The following CDK19 variants were observed in gnomAD, a reference collection of about 807,000 sequenced individuals.
CDK19 encodes cyclin dependent kinase 19, also known as cyclin-dependent kinase 19.
Under a neutral mutation model 68.3 loss-of-function variants are expected in CDK19, and 20 were observed. The ratio of observed to expected loss-of-function variants is 0.29; its 90% CI spans 0.21 to 0.43. The LOEUF is 0.43. Ranked by LOEUF, CDK19 falls within the 20% of genes least tolerant of loss-of-function variation. The pLI, the probability that CDK19 is intolerant of heterozygous loss-of-function variation, is 1.00. For missense variants in CDK19, 339 were observed against 623.5 expected, an observed-to-expected ratio of 0.54 and a Z score of 4.86; for synonymous variants, 221 against 222.8, an observed-to-expected ratio of 0.99 and a Z score of 0.07.
intron 1 of CDK19, among the ~76,000 whole-genome samples, chr6:110,759,440 T>A (rs1268938273): frequency 3.9e-5 from 5 of 128,470 alleles, no homozygotes; most frequent in African/African-American, 1.2e-4. Context: ...TATATATATA[T>A]ATATATATAT....
intron 2 of CDK19, among the ~76,000 whole-genome samples, chr6:110,692,489 T>C (rs1458742139): frequency 2.0e-5 from 3 of 151,602 alleles, no homozygotes; most frequent in South Asian, 2.1e-4. Flanking sequence ...TATGAGATTA[T>C]GTAAAATAGG....
At chr6:110,805,925 C>G (rs1359697995) in intron 1 of CDK19, among the ~76,000 whole-genome samples, 1 of 146,526 alleles carries the variant, frequency 6.8e-6, no homozygotes, top group Non-Finnish European at 1.5e-5. Context: ...GGCAGAGGTA[C>G]AGTGAGCCAA....
intron 2 of CDK19, among the ~76,000 whole-genome samples, chr6:110,734,526 T>TCC (rs1345738637): frequency 2.2e-5 from 3 of 138,868 alleles, no homozygotes; most frequent in Non-Finnish European, 3.1e-5. Flanking sequence ...CACTGCTCTC[T>TCC]CTCTCTCTCT....
chr6:110,762,373 C>T (rs1779288066), intron 1 of CDK19, among the ~76,000 whole-genome samples: 1 of 152,150 alleles, frequency 6.6e-6, no homozygotes, highest in African/African-American at 2.4e-5. Flanking sequence ...TCAAAGCTCT[C>T]TTCTCTGCAT....
At chr6:110,657,437 A>G (rs561493119) in intron 4 of CDK19, among the ~76,000 whole-genome samples, 31 of 152,310 alleles carry the variant, frequency 2.0e-4, no homozygotes, top group Middle Eastern at 3.4e-3. Flanking sequence ...CTAATAGAAT[A>G]CCTGTGGTGT....
chr6:110,813,457 G>A (rs1783276427), intron 1 of CDK19: 1 of 152,242 alleles, frequency 6.6e-6, no homozygotes, highest in African/African-American at 2.4e-5. Flanking sequence ...AAATATAACT[G>A]ATAAAATTCC....
chr6:110,804,177 A>C (rs764571416), intron 1 of CDK19, among the ~76,000 whole-genome samples: 2 of 152,136 alleles, frequency 1.3e-5, no homozygotes, highest in Non-Finnish European at 2.9e-5. Context: ...TTGGTAAATA[A>C]ATCCATTCCC....
intron 2 of CDK19, among the ~76,000 whole-genome samples, chr6:110,694,304 T>C (rs912891598): frequency 2.8e-5 from 4 of 143,726 alleles, no homozygotes; most frequent in African/African-American, 9.9e-5. Context: ...GAAAAAGATA[T>C]GCAAAAGGAA....
intron 2 of CDK19, among the ~76,000 whole-genome samples, chr6:110,677,754 T>TA (rs925055010): frequency 5.3e-5 from 8 of 152,262 alleles, no homozygotes; most frequent in African/African-American, 1.7e-4. Flanking sequence ...TGAATTATAT[T>TA]AGAGTATCTT....
intron 4 of CDK19, among the ~76,000 whole-genome samples, chr6:110,644,520 G>A (rs1445736902): frequency 6.6e-6 from 1 of 152,096 alleles, no homozygotes; most frequent in African/African-American, 2.4e-5. Flanking sequence ...GAGTATAATT[G>A]GATTGTTTGT....
At chr6:110,741,378 C>T (rs1175077824) in intron 2 of CDK19, among the ~76,000 whole-genome samples, 1 of 151,770 alleles carries the variant, frequency 6.6e-6, no homozygotes, top group Admixed American at 6.6e-5. Flanking sequence ...GGTAAAATTG[C>T]TTAAACCCAG....
Position 110,801,079 on chromosome 6 carries a change from C to T in CDK19, c.128+13930G>A, listed in dbSNP as rs150251385. ...GATTCCTTCAAAAGACTCCAAGACC[C>T]GATAAACGACTTCAGTACAGTTTCA... On this transcript the variant is annotated intron_variant, in intron 1 of 12. Coordinates refer to ENST00000368911, the MANE Select transcript of CDK19 (RefSeq NM_015076.5). 6.7e-4 allele frequency among the ~76,000 whole-genome samples: 102 copies of T among 152,202 alleles called. No individual in the cohort carries two copies. In the East Asian group the frequency reaches 0.013, roughly 19 times the overall value.
intron 2 of CDK19, among the ~76,000 whole-genome samples, chr6:110,721,252 G>T (rs1299883411): frequency 1.3e-5 from 2 of 151,914 alleles, no homozygotes; most frequent in Non-Finnish European, 2.9e-5. Context: ...AATAAAAATA[G>T]AAATTAATTA....
intron 2 of CDK19, chr6:110,670,879 TTAAA>T: frequency 2.4e-6 from 1 of 412,134 alleles, no homozygotes. Context: ...TATCATATCA[TTAAA>T]TAATTAATTA....
intron 8 of CDK19, 42 bp downstream of exon 8, chr6:110,626,734 T>C (rs760508427): frequency 2.5e-6 from 3 of 1,182,006 alleles, no homozygotes; most frequent in Non-Finnish European, 3.6e-6. Flanking sequence ...GGTATTTTTT[T>C]ATAGCAGCAC....
chr6:110,702,524 G>A (rs1321217240), intron 2 of CDK19, among the ~76,000 whole-genome samples: 1 of 152,146 alleles, frequency 6.6e-6, no homozygotes, highest in African/African-American at 2.4e-5. Flanking sequence ...TAACTTGAGA[G>A]GCTAAAATGG....
chr6:110,738,836 C>T (rs1161096191), intron 2 of CDK19, among the ~76,000 whole-genome samples: 2 of 108,552 alleles, frequency 1.8e-5, no homozygotes, highest in Non-Finnish European at 4.1e-5. Flanking sequence ...CAGCCTGCTA[C>T]ACCACCATGG....
chr6:110,783,637 CAA>C, intron 1 of CDK19, among the ~76,000 whole-genome samples: 1 of 89,036 alleles, frequency 1.1e-5, no homozygotes. Flanking sequence ...GATTCTGTCT[CAA>C]AAAAAAAAAA....
chr6:110,674,135 T>A (rs140278969), intron 2 of CDK19, among the ~76,000 whole-genome samples: 120 of 152,360 alleles, frequency 7.9e-4, no homozygotes, highest in Non-Finnish European at 1.5e-3. Context: ...GTTACTATTG[T>A]AATTGTTTTG....
Sources: gnomAD v4.1 joint callset for allele counts (sites outside exome capture counted in the v4.1 genomes callset) on GRCh38, gnomAD v4.1.1 for gene constraint, MANE v1.5 for transcripts, NCBI Gene and HGNC (gene_info 2026-07-23, HGNC 2026-07-21) for gene names.